The following USP13 variants were observed in gnomAD, a reference collection of about 807,000 sequenced individuals.
The protein encoded by USP13 is ubiquitin specific peptidase 13, also known as ubiquitin carboxyl-terminal hydrolase 13.
A neutral mutation model predicts 107.8 loss-of-function variants in USP13; 68 were observed. The ratio of observed to expected loss-of-function variants is 0.63; its 90% confidence interval spans 0.52 to 0.77. USP13 has a LOEUF of 0.77. Ranked by LOEUF, USP13 falls within the 30% of genes least tolerant of loss-of-function variation. The probability of loss-of-function intolerance (pLI) is 0.00; values close to 1 mark genes in which losing one functional copy is unlikely to be tolerated. For missense variants in USP13, 945 were observed against 1,093.3 expected, an observed-to-expected ratio of 0.86 and a Z score of 1.91; for synonymous variants, 377 against 389.5, an observed-to-expected ratio of 0.97 and a Z score of 0.38.
intron 19 of USP13, among the ~76,000 whole-genome samples, chr3:179,773,893 T>A (rs965440536): frequency 6.6e-6 from 1 of 152,210 alleles, no homozygotes; most frequent in African/African-American, 2.4e-5. Context: ...TAGATAAAAA[T>A]CTACAAGTTA....
chr3:179,672,513 T>C (rs1720779457), intron 1 of USP13, among the ~76,000 whole-genome samples: 1 of 151,324 alleles, frequency 6.6e-6, no homozygotes, highest in African/African-American at 2.4e-5. Context: ...GCCTACTGAA[T>C]AGCTGGGACT....
At chr3:179,694,866 A>G (rs180718900) in intron 3 of USP13, among the ~76,000 whole-genome samples, 7 of 151,948 alleles carry the variant, frequency 4.6e-5, no homozygotes. Flanking sequence ...AAAATAGTCT[A>G]ATCTCCCAGC....
At chr3:179,759,527 C>T (rs76433248) in intron 16 of USP13, among the ~76,000 whole-genome samples, 6,142 of 152,194 alleles carry the variant, frequency 0.04, 450 homozygotes, top group African/African-American at 0.14. Flanking sequence ...ACAGAAACTC[C>T]GTTTTTGATT....
chr3:179,752,519 A>G (rs1442066097), intron 14 of USP13, 146 bp downstream of exon 14: 5 of 690,596 alleles, frequency 7.2e-6, no homozygotes, highest in African/African-American at 7.2e-5. Flanking sequence ...ATCAGAGTAT[A>G]TGATAAGAAC....
rs1335315304 is a variant in USP13 at position 179,789,098 on chromosome 3, T to C, written c.*4957T>C. On this transcript the variant is annotated 3_prime_UTR_variant, in exon 21 of 21. Coordinates refer to ENST00000263966, the MANE Select transcript of USP13 (RefSeq NM_003940.3). Reference sequence around the variant, plus strand: ...CATTGTAGGCAAAATCCTCTTGTGGTTTCCCCTCCCCAGGTATTGTTGAGT... The same window carrying C: ...CATTGTAGGCAAAATCCTCTTGTGGCTTCCCCTCCCCAGGTATTGTTGAGT... The C allele has an allele frequency of 6.6e-6, 1 of 152,056 alleles. No individual in the cohort carries two copies. The highest frequency in any genetic ancestry group is 2.4e-5 in the African/African-American group (1 of 41,398). The allele number at this position is 152,056 out of a possible 1,614,324, so 9.4% of individuals were successfully genotyped here. A position where few individuals can be genotyped will look rare whatever the true frequency, so the allele number is the denominator to read the frequency against.
In USP13 at chr3:179,760,044, G is replaced by T. The variant is rs181844599; in HGVS notation, c.1949-1068G>T. 2.6e-5 allele frequency among the ~76,000 whole-genome samples: 4 copies of T among 152,222 alleles called. No individual in the cohort carries two copies. The East Asian group carries it at 7.7e-4, about 29-fold the overall frequency. On this transcript the variant is annotated intron_variant, in intron 16 of 20. Coordinates refer to ENST00000263966, the MANE Select transcript of USP13 (RefSeq NM_003940.3). Reference sequence around the variant, plus strand: ...TTCTCGGTTCTTTTCCTGATTGACAGAAAATTGACAGAAGTTTTAGTAGAG... The same window carrying T: ...TTCTCGGTTCTTTTCCTGATTGACATAAAATTGACAGAAGTTTTAGTAGAG...
At chr3:179,686,564 G>A (rs1711881098) in intron 2 of USP13, among the ~76,000 whole-genome samples, 1 of 152,234 alleles carries the variant, frequency 6.6e-6, no homozygotes, top group South Asian at 2.1e-4. Flanking sequence ...GAGCAACAGA[G>A]TGAGACTCTG....
intron 4 of USP13, among the ~76,000 whole-genome samples, chr3:179,701,549 A>C (rs543978765): frequency 1.3e-5 from 2 of 152,184 alleles, no homozygotes; most frequent in Admixed American, 6.5e-5. Flanking sequence ...TTGGCCTTCC[A>C]TGTAACATTT....
rs567163900 is a variant in USP13, at chr3:179,785,546, G to T, written c.*1405G>T. On this transcript the variant is annotated 3_prime_UTR_variant, in exon 21 of 21. Transcript: ENST00000263966. Reference sequence around the variant, plus strand: ...TGGAGTTGCTATTTCAGAGTATTTGGTCAAACGAAAAAGAATTTATTGCTG... The same window carrying T: ...TGGAGTTGCTATTTCAGAGTATTTGTTCAAACGAAAAAGAATTTATTGCTG... The T allele has an allele frequency of 1.3e-5, 2 of 152,256 alleles. No individual in the cohort carries two copies. Among genetic ancestry groups the T allele is most frequent in the Admixed American group, 6.5e-5 (1 of 15,284 alleles). 9.4% of individuals were successfully genotyped at this position (152,256 alleles called of 1,614,324 possible).
At chr3:179,736,325 G>T (rs979714981) in intron 10 of USP13, among the ~76,000 whole-genome samples, 5 of 152,172 alleles carry the variant, frequency 3.3e-5, no homozygotes, top group Non-Finnish European at 5.9e-5. Context: ...AACTTTTTCA[G>T]AGCCTGACTT....
Position 179,697,172 on chromosome 3 carries a change from T to C in USP13, c.356-3836T>C, listed in dbSNP as rs577714397. ...GTGTTTAAACTTGTTAAGGAATAGA[T>C]TGAAAACAGAAAATTTGTGCAAAGT... is the stretch of plus-strand genomic sequence containing the variant. On this transcript the variant is annotated intron_variant, in intron 3 of 20. Transcript: ENST00000263966. Among the ~76,000 whole-genome samples the C allele has an allele frequency of 3.9e-5, 6 of 152,294 alleles. No homozygotes were observed. In the South Asian group the frequency reaches 1.0e-3, roughly 26 times the overall value.
intron 9 of USP13, 98 bp downstream of exon 9, chr3:179,730,358 C>T: frequency 8.1e-7 from 1 of 1,233,838 alleles, no homozygotes. Flanking sequence ...GGCAATTCTT[C>T]ATGTATTTTT....
chr3:179,783,785 T>C (rs946719156), intron 20 of USP13, among the ~76,000 whole-genome samples: 3 of 152,004 alleles, frequency 2.0e-5, no homozygotes, highest in Non-Finnish European at 4.4e-5. Context: ...AGAGGATCCC[T>C]TGAGCCCAGG....
intron 1 of USP13, among the ~76,000 whole-genome samples, chr3:179,675,658 CT>C (rs1720873060): frequency 6.6e-6 from 1 of 151,926 alleles, no homozygotes; most frequent in African/African-American, 2.4e-5. Flanking sequence ...AGGAATTCTC[CT>C]GCCTCAGCCT....
At chr3:179,783,747 G>A (rs1161666052) in intron 20 of USP13, among the ~76,000 whole-genome samples, 3 of 151,896 alleles carry the variant, frequency 2.0e-5, no homozygotes. Flanking sequence ...ATGTGCCTGT[G>A]TTCCCAGCTA....
At chr3:179,753,283 C>T (rs1714675067) in intron 14 of USP13, among the ~76,000 whole-genome samples, 1 of 152,176 alleles carries the variant, frequency 6.6e-6, no homozygotes, top group Non-Finnish European at 1.5e-5. Context: ...TTACGCAGCA[C>T]TTGTTTGCCA....
At chr3:179,697,886 A>C (rs1712379660) in intron 3 of USP13, among the ~76,000 whole-genome samples, 1 of 152,260 alleles carries the variant, frequency 6.6e-6, no homozygotes, top group Non-Finnish European at 1.5e-5. Flanking sequence ...AAGTAAAAGT[A>C]AACTTAAACT....
chr3:179,687,740 C>T (rs967706269), intron 2 of USP13, among the ~76,000 whole-genome samples: 2 of 148,280 alleles, frequency 1.3e-5, no homozygotes, highest in Admixed American at 6.8e-5. Flanking sequence ...TTGCTGCCTT[C>T]AATCCCACCC....
intron 12 of USP13, 130 bp from the exon 13 acceptor site, chr3:179,744,913 T>G (rs1366555862): frequency 3.6e-6 from 4 of 1,117,416 alleles, no homozygotes; most frequent in Non-Finnish European, 1.3e-6. Context: ...CATCTGGCTC[T>G]GTAAAGGGCG....
Sources: allele counts gnomAD v4.1 joint callset (sites outside exome capture counted in the v4.1 genomes callset), GRCh38; gene constraint gnomAD v4.1.1; transcripts MANE v1.5; gene names NCBI Gene and HGNC (gene_info 2026-07-23, HGNC 2026-07-21).